The following RNF24 variants were observed in gnomAD, a reference collection of about 807,000 sequenced individuals.
RNF24 encodes the protein ring finger protein 24.
RNF24 carries 14 observed loss-of-function variants against 20.0 expected under a neutral mutation model. The observed-to-expected ratio is 0.70, with a 90% CI of 0.46 to 1.10. The LOEUF is 1.10. Among genes scored for constraint, RNF24 ranks in the 50% least tolerant of loss-of-function variants. The pLI is 0.00. For missense variants in RNF24, 124 were observed against 177.6 expected (o/e 0.70, Z 1.71); for synonymous variants, 45 against 61.1 (o/e 0.74, Z 1.23).
chr20:3,936,419 G>C (rs755659937), intron 4 of RNF24, among the ~76,000 whole-genome samples: 1 of 152,164 alleles, frequency 6.6e-6, no homozygotes, highest in Non-Finnish European at 1.5e-5. Flanking sequence ...AGCTCAGCTT[G>C]GGGGGTAGGG....
At chr20:3,978,414 C>T (rs1292686209) in intron 1 of RNF24, among the ~76,000 whole-genome samples, 1 of 151,766 alleles carries the variant, frequency 6.6e-6, no homozygotes, top group African/African-American at 2.4e-5. Context: ...TGCAATATTC[C>T]CAACAGAGAA....
chr20:4,005,315 C>T (rs1981777490), intron 1 of RNF24, among the ~76,000 whole-genome samples: 2 of 151,854 alleles, frequency 1.3e-5, no homozygotes, highest in African/African-American at 2.4e-5. Flanking sequence ...ATAATATTGC[C>T]CCTGGCTATT....
chr20:3,932,819 T>A lies in RNF24; in HGVS notation c.*1244A>T, dbSNP rs1430225278. 1 of 397,762 alleles carries A rather than the reference T, an allele frequency of 2.5e-6. No homozygotes were observed. The allele number at this position is 397,762 out of a possible 1,614,324, so 24.6% of individuals were successfully genotyped here. A position where few individuals can be genotyped will look rare whatever the true frequency, so the allele number is the denominator to read the frequency against. On this transcript the variant is annotated 3_prime_UTR_variant, in exon 6 of 6. Transcript: ENST00000358395. Reference sequence around the variant, plus strand: ...AGCTAATTTATACAATATTCACAAATCTTAATGGACTTTGAGTCATTTCTA... The same window carrying A: ...AGCTAATTTATACAATATTCACAAAACTTAATGGACTTTGAGTCATTTCTA...
At chr20:3,979,172 A>C (rs1415538594) in intron 1 of RNF24, among the ~76,000 whole-genome samples, 5 of 151,498 alleles carry the variant, frequency 3.3e-5, no homozygotes, top group Non-Finnish European at 7.4e-5. Context: ...GTGTGTGTGT[A>C]TAACTTTGTG....
chr20:3,975,424 TG>T (rs545583701), intron 1 of RNF24, among the ~76,000 whole-genome samples: 195 of 152,260 alleles, frequency 1.3e-3, no homozygotes, highest in African/African-American at 4.3e-3. Flanking sequence ...TGAAATGAAA[TG>T]TTTTTTTTGC....
intron 1 of RNF24, among the ~76,000 whole-genome samples, chr20:3,965,050 C>A (rs1180775419): frequency 6.6e-6 from 1 of 152,116 alleles, no homozygotes; most frequent in Non-Finnish European, 1.5e-5. Context: ...AGAATACTTA[C>A]TGATTACTAC....
intron 1 of RNF24, among the ~76,000 whole-genome samples, chr20:3,985,409 T>C (rs540067710): frequency 2.0e-5 from 3 of 152,262 alleles, no homozygotes; most frequent in African/African-American, 4.8e-5. Context: ...TTATTTTTTT[T>C]CCCTGATCAG....
In RNF24 at chr20:3,934,339, G is replaced by A. The variant is rs2090864558; in HGVS notation, c.309-138C>T. ...GGAGCTCCCCTCCTAGGTGGTGAAC[G>A]GATGTCACCCCCTGGAGAGAGGGAA... is the stretch of plus-strand genomic sequence containing the variant. On this transcript the variant is annotated intron_variant, in intron 5 of 5. Coordinates refer to ENST00000358395, the MANE Select transcript of RNF24 (RefSeq NM_001134337.3). This position sits in a 1 kb window ranked among gnomAD's most constrained non-coding sequence, Gnocchi z 4.0. 8 of 771,524 alleles carry A rather than the reference G, an allele frequency of 1.0e-5. No individual in the cohort carries two copies. The highest frequency in any genetic ancestry group is 1.8e-5 in the African/African-American group (1 of 54,362). The allele number at this position is 771,524 out of a possible 1,614,324, so 47.8% of individuals were successfully genotyped here.
In RNF24 at chr20:3,928,855, TTG is replaced by T. The variant is rs2090772712; in HGVS notation, c.*5206_*5207del. On this transcript the variant is annotated 3_prime_UTR_variant, in exon 6 of 6. Transcript: ENST00000358395. ...ATTCTGTAGGAAGCATTTTCTTTTC[TTG>T]TGTGTTTTTTTGAGACGGAGTCTCG... 6.6e-6 allele frequency: 1 copy of T among 151,600 alleles called. No individual in the cohort carries two copies. Among genetic ancestry groups the T allele is most frequent in the Non-Finnish European group, 1.5e-5 (1 of 67,870 alleles). 9.4% of individuals were successfully genotyped at this position (151,600 alleles called of 1,614,324 possible).
At chr20:3,961,231 G>C (rs573507815) in intron 2 of RNF24, among the ~76,000 whole-genome samples, 3 of 151,862 alleles carry the variant, frequency 2.0e-5, no homozygotes, top group African/African-American at 7.2e-5. Flanking sequence ...CTGAGACTTC[G>C]TCTCTACAAA....
At chr20:4,003,432 C>G (rs1229911444) in intron 1 of RNF24, among the ~76,000 whole-genome samples, 1 of 152,128 alleles carries the variant, frequency 6.6e-6, no homozygotes, top group Non-Finnish European at 1.5e-5. Flanking sequence ...ATCTTCCAAG[C>G]AATTCAAAGT....
In RNF24 at chr20:3,951,236, C is replaced by T. The variant is rs544900569; in HGVS notation, c.144-2957G>A. 2.9e-4 allele frequency among the ~76,000 whole-genome samples: 44 copies of T among 152,304 alleles called. No individual in the cohort carries two copies. The South Asian group carries it at 8.9e-3, about 31-fold the overall frequency. On this transcript the variant is annotated intron_variant, in intron 2 of 5. Coordinates refer to ENST00000358395, the MANE Select transcript of RNF24 (RefSeq NM_001134337.3). ...CCTCCCAAAGTGCTGGGATTACAGG[C>T]GTGAGCCACCGCACCAGGCCAGCCA...
intron 1 of RNF24, among the ~76,000 whole-genome samples, chr20:3,964,616 G>A (rs571074318): frequency 1.4e-4 from 21 of 151,994 alleles, no homozygotes; most frequent in Non-Finnish European, 2.5e-4. Context: ...TTAATCTCCC[G>A]GGCTCAAGCA....
At chr20:3,999,608 G>A (rs1981215878) in intron 1 of RNF24, among the ~76,000 whole-genome samples, 1 of 152,152 alleles carries the variant, frequency 6.6e-6, no homozygotes. Context: ...TACAAAATTA[G>A]CTGGGCGTGG....
chr20:3,979,910 G>T (rs1979240693), intron 1 of RNF24, among the ~76,000 whole-genome samples: 1 of 151,914 alleles, frequency 6.6e-6, no homozygotes, highest in African/African-American at 2.4e-5. Context: ...ATGGACACAA[G>T]AATTCAATTC....
intron 2 of RNF24, among the ~76,000 whole-genome samples, chr20:3,953,246 G>A (rs1280063257): frequency 6.6e-6 from 1 of 152,068 alleles, no homozygotes; most frequent in Non-Finnish European, 1.5e-5. Flanking sequence ...CCGCCTCCTG[G>A]GTTCACGCCA....
chr20:3,992,791 T>G (rs1048196438), intron 1 of RNF24, among the ~76,000 whole-genome samples: 8 of 152,146 alleles, frequency 5.3e-5, no homozygotes, highest in African/African-American at 1.9e-4. Flanking sequence ...TGTCATAATT[T>G]CCAAAGCAAA....
At chr20:3,964,627 A>G (rs764773294) in intron 1 of RNF24, among the ~76,000 whole-genome samples, 4 of 152,210 alleles carry the variant, frequency 2.6e-5, no homozygotes, top group Non-Finnish European at 4.4e-5. Context: ...GGCTCAAGCA[A>G]TTCTTCCACT....
intron 1 of RNF24, among the ~76,000 whole-genome samples, chr20:3,976,321 A>G (rs1280972353): frequency 6.6e-6 from 1 of 152,260 alleles, no homozygotes; most frequent in East Asian, 1.9e-4. Context: ...AGCCACAATG[A>G]GAAATTACTA....
Sources: allele counts gnomAD v4.1 joint callset (sites outside exome capture counted in the v4.1 genomes callset), GRCh38; gene constraint gnomAD v4.1.1; non-coding constraint Gnocchi (gnomAD v3.1); transcripts MANE v1.5; gene names NCBI Gene and HGNC (gene_info 2026-07-23, HGNC 2026-07-21).